Variants in PAGE2 observed in about 807,000 individuals in gnomAD.
PAGE2 encodes the protein PAGE family member 2, also known as P antigen family member 2.
PAGE2 carries 6 observed loss-of-function variants against 7.5 expected under a neutral mutation model. The observed-to-expected ratio is 0.80, with a 90% CI of 0.44 to 1.57. The LOEUF (loss-of-function observed/expected upper bound fraction) is 1.57. Among genes scored for constraint, PAGE2 ranks in the 40% most tolerant of loss-of-function variants. PAGE2 has a pLI of 0.01. For missense variants in PAGE2, 72 were observed against 76.4 expected (o/e 0.94, Z 0.21); for synonymous variants, 22 against 25.4 (o/e 0.87, Z 0.41).
At chrX:55,090,719 T>C in intron 3 of PAGE2, 109 bp downstream of exon 3, 2 of 552,155 alleles carry the variant, frequency 3.6e-6, no homozygotes, top group Non-Finnish European at 5.8e-6. Context: ...GAAGGAATCT[T>C]AAACATTTCC....
chrX:55,090,069 G>C lies in PAGE2; in HGVS notation c.49G>C (p.Asp17His). The change falls in exon 2 of 5, where the codon GAC (aspartate) becomes CAC (histidine). Residue 17 changes from aspartate to histidine, a missense_variant. Asp to His is a moderately conservative substitution (Grantham distance 81). Transcript: ENST00000374968. ...ARSQSSERGN[D>H]QESSQPVGSV... Reference sequence around the variant, plus strand: ...ATCCCAATCCTCAGAAAGAGGAAATGACCAAGAGTCTTCCCAGCCGGTTGG... The same window carrying C: ...ATCCCAATCCTCAGAAAGAGGAAATCACCAAGAGTCTTCCCAGCCGGTTGG... 1 of 1,205,128 alleles carries C rather than the reference G, an allele frequency of 8.3e-7. No individual in the cohort carries two copies. Among genetic ancestry groups the C allele is most frequent in the Non-Finnish European group, 1.1e-6 (1 of 891,397 alleles).
rs769080393 is a variant in PAGE2, at chrX:55,091,501, C to T, written c.319+44C>T. 3.4e-6 allele frequency: 4 copies of T among 1,192,394 alleles called. No homozygotes were observed. The African/African-American group carries it at 7.6e-5, about 23-fold the overall frequency. Reference sequence around the variant, plus strand: ...ATGCAAACTATTGTATTTCTATTTTCACAGTATTTTGTGTGACACAGAGGT... The same window carrying T: ...ATGCAAACTATTGTATTTCTATTTTTACAGTATTTTGTGTGACACAGAGGT... On this transcript the variant is annotated intron_variant, in intron 4 of 4. Transcript: ENST00000374968.
intron 1 of PAGE2, 55 bp downstream of exon 1, chrX:55,089,158 G>C (rs897364280): frequency 9.0e-6 from 1 of 111,726 alleles, no homozygotes; most frequent in African/African-American, 3.3e-5. Flanking sequence ...ATGTGTGGAG[G>C]AGCCAGCTGG....
intron 1 of PAGE2, among the ~76,000 whole-genome samples, chrX:55,089,399 G>C (rs759793059): frequency 3.6e-5 from 4 of 110,343 alleles, no homozygotes; most frequent in Non-Finnish European, 7.5e-5. Flanking sequence ...CTCTGAGAGA[G>C]GACAGTTTCC....
chrX:55,090,157 A>T lies in PAGE2; in HGVS notation c.84+53A>T. On this transcript the variant is annotated intron_variant, in intron 2 of 4. Coordinates refer to ENST00000374968, the MANE Select transcript of PAGE2 (RefSeq NM_207339.4). The stretch of plus-strand genomic sequence containing the variant: ...TATTAACACAATTTATTTTAAAAAT[A>T]TTTTTGAGCTAGTATACATACACTG... 4 of 1,093,589 alleles carry T rather than the reference A, an allele frequency of 3.7e-6. No homozygotes were observed. In the South Asian group the frequency reaches 7.9e-5, roughly 22 times the overall value. The allele number at this position is 1,093,589 out of a possible 1,213,427, so 90.1% of individuals were successfully genotyped here.
intron 2 of PAGE2, 129 bp downstream of exon 2, chrX:55,090,233 A>G (rs1216712287): frequency 1.3e-6 from 1 of 764,242 alleles, no homozygotes; most frequent in East Asian, 3.5e-5. Flanking sequence ...TCATGAAGGA[A>G]ACTTTGGTTC....
rs1395356519 is a variant in PAGE2 at position 55,090,324 on chromosome X, GTCTGTCTA to G, written c.85-174_85-167del. Among the ~76,000 whole-genome samples, 539 of 93,360 alleles carry G rather than the reference GTCTGTCTA, an allele frequency of 5.8e-3. 13 individuals are homozygous for G. The highest frequency in any genetic ancestry group is 0.022 in the African/African-American group (513 of 23,663). The allele number at this position is 93,360 out of a possible 115,157, so 81.1% of individuals were successfully genotyped here. A position where few individuals can be genotyped will look rare whatever the true frequency, so the allele number is the denominator to read the frequency against. On this transcript the variant is annotated intron_variant, in intron 2 of 4. Coordinates refer to ENST00000374968, the MANE Select transcript of PAGE2 (RefSeq NM_207339.4). ...TCTATCTCTATGTATGTATCTGTCTGTCTGTCTATCTATCTATCTATCTATCTATCTAT... is the reference window on the plus strand; with the variant it reads ...TCTATCTCTATGTATGTATCTGTCTGTCTATCTATCTATCTATCTATCTAT...
rs781693058 is a variant in PAGE2, at chrX:55,090,063, G to C, written c.43G>C (p.Gly15Arg). ...LRARSQSSER[G>R]NDQESSQPVG... ...AGCAAGATCCCAATCCTCAGAAAGA[G>C]GAAATGACCAAGAGTCTTCCCAGCC... is the stretch of plus-strand genomic sequence containing the variant. The change falls in exon 2 of 5, where the codon GGA (glycine) becomes CGA (arginine). Residue 15 changes from glycine (G) to arginine (R), a missense_variant. By Grantham distance (125) the Gly-to-Arg change is moderately radical. Coordinates refer to ENST00000374968, the MANE Select transcript of PAGE2 (RefSeq NM_207339.4). 5 of 1,205,191 alleles carry C rather than the reference G, an allele frequency of 4.1e-6. No individual in the cohort carries two copies. The East Asian group carries it at 1.5e-4, about 36-fold the overall frequency.
At position 55,091,234 on chromosome X, in the gene PAGE2, G is replaced by A. The variant is rs760835114; in HGVS notation, c.194-98G>A. 14 of 1,150,031 alleles carry A rather than the reference G, an allele frequency of 1.2e-5. 1 individual carries two copies. The highest frequency in any genetic ancestry group is 1.9e-5 in the African/African-American group (1 of 53,238). 94.8% of individuals were successfully genotyped at this position (1,150,031 alleles called of 1,213,427 possible). ...AGATTCCTGAAATAATTAGCCTACC[G>A]GTTTTTATTTCATAATGATGAGGGA... On this transcript the variant is annotated intron_variant, in intron 3 of 4. Coordinates refer to ENST00000374968, the MANE Select transcript of PAGE2 (RefSeq NM_207339.4).
At chrX:55,090,318 C>G (rs868009406) in intron 2 of PAGE2, among the ~76,000 whole-genome samples, 184 bp from the exon 3 acceptor site, 1 of 94,214 alleles carries the variant, frequency 1.1e-5, no homozygotes, top group East Asian at 3.1e-4. Context: ...ATGTATGTAT[C>G]TGTCTGTCTG....
In PAGE2 at chrX:55,091,233, C is replaced by T. The variant is rs182609762; in HGVS notation, c.194-99C>T. On this transcript the variant is annotated intron_variant, in intron 3 of 4. Transcript: ENST00000374968. Reference sequence around the variant, plus strand: ...CAGATTCCTGAAATAATTAGCCTACCGGTTTTTATTTCATAATGATGAGGG... The same window carrying T: ...CAGATTCCTGAAATAATTAGCCTACTGGTTTTTATTTCATAATGATGAGGG... 7.0e-6 allele frequency: 8 copies of T among 1,140,631 alleles called. No homozygotes were observed. In the Admixed American group the frequency reaches 8.3e-5, roughly 12 times the overall value. The allele number at this position is 1,140,631 out of a possible 1,213,427, so 94.0% of individuals were successfully genotyped here. A position where few individuals can be genotyped will look rare whatever the true frequency, so the allele number is the denominator to read the frequency against.
At chrX:55,089,963 A>G (rs1936638835) in intron 1 of PAGE2, 50 bp from the exon 2 acceptor site, 3 of 967,299 alleles carry the variant, frequency 3.1e-6, no homozygotes, top group Non-Finnish European at 4.4e-6. Flanking sequence ...GTTCATATAT[A>G]TAACTAAGTT....
In PAGE2 at chrX:55,090,094, G is replaced by A. The variant is rs137915662; in HGVS notation, c.74G>A (p.Gly25Glu). The part of the protein sequence containing the change: ...GNDQESSQPV[G>E]SVIVQEPTEE... Reference sequence around the variant, plus strand: ...GACCAAGAGTCTTCCCAGCCGGTTGGATCTGTGATTGTGAGTCTTTTAACA... The same window carrying A: ...GACCAAGAGTCTTCCCAGCCGGTTGAATCTGTGATTGTGAGTCTTTTAACA... Residue 25 changes from glycine to glutamate, a missense_variant, in exon 2 of 5, where the codon GGA (glycine) becomes GAA (glutamate). Transcript: ENST00000374968. 8.3e-7 allele frequency: 1 copy of A among 1,200,668 alleles called. No homozygotes were observed. The highest frequency in any genetic ancestry group is 1.1e-6 in the Non-Finnish European group (1 of 888,466).
At position 55,090,525 on chromosome X, in the gene PAGE2, A is replaced by C. The variant is rs370530168; in HGVS notation, c.108A>C (p.Lys36Asn). The C allele has an allele frequency of 5.8e-6, 7 of 1,205,973 alleles. No homozygotes were observed. Among genetic ancestry groups the C allele is most frequent in the Non-Finnish European group, 7.8e-6 (7 of 893,504 alleles). ...AGGTCCAGGAGCCCACTGAGGAAAA[A>C]CGTCAAGAAGAGGAACCACCAACTG... ...SVIVQEPTEEKRQEEEPPTDN... is the reference protein window; with the variant it reads ...SVIVQEPTEENRQEEEPPTDN... Residue 36 changes from lysine (K) to asparagine (N), a missense_variant, in exon 3 of 5, where the codon AAA (lysine) becomes AAC (asparagine). Transcript: ENST00000374968.
At chrX:55,090,209 A>C in intron 2 of PAGE2, 105 bp downstream of exon 2, 1 of 858,912 alleles carries the variant, frequency 1.2e-6, no homozygotes, top group East Asian at 3.4e-5. Flanking sequence ...CTGATAAAAA[A>C]TGATGATGGC....
At chrX:55,090,367 A>ATCG in intron 2 of PAGE2, 135 bp from the exon 3 acceptor site, 1 of 558,742 alleles carries the variant, frequency 1.8e-6, no homozygotes, top group Non-Finnish European at 2.8e-6. Flanking sequence ...TCTATCTATC[A>ATCG]TCTATCTATC....
rs144472763 is a variant in PAGE2, at chrX:55,089,549, G to A, written c.-9+446G>A. Among the ~76,000 whole-genome samples the A allele has an allele frequency of 1.4e-3, 159 of 109,668 alleles. 1 individual carries two copies. The highest frequency in any genetic ancestry group is 2.6e-3 in the Non-Finnish European group (139 of 52,858). On this transcript the variant is annotated intron_variant, in intron 1 of 4. Coordinates refer to ENST00000374968, the MANE Select transcript of PAGE2 (RefSeq NM_207339.4). ...AGAGGTGTCCTGTGAGGAGCATAACGTTCACTCTGTTTCACAATTTCTCAC... is the reference window on the plus strand; with the variant it reads ...AGAGGTGTCCTGTGAGGAGCATAACATTCACTCTGTTTCACAATTTCTCAC...
chrX:55,089,352 A>T (rs1936633015), intron 1 of PAGE2: 1 of 110,911 alleles, frequency 9.0e-6, no homozygotes, highest in South Asian at 3.7e-4. Flanking sequence ...CTGGGGGTGC[A>T]GTTAGCGGTG....
At chrX:55,089,517 G>C (rs1485389773) in intron 1 of PAGE2, among the ~76,000 whole-genome samples, 2 of 109,998 alleles carry the variant, frequency 1.8e-5, no homozygotes. Flanking sequence ...TCTGTAGAGT[G>C]CCTGGCAGAG....
Sources: allele counts gnomAD v4.1 joint callset (sites outside exome capture counted in the v4.1 genomes callset), GRCh38; gene constraint gnomAD v4.1.1; transcripts MANE v1.5; gene names NCBI Gene and HGNC (gene_info 2026-07-23, HGNC 2026-07-21).